The following SLC8A1 variants were observed in gnomAD, a reference collection of about 807,000 sequenced individuals.
SLC8A1 encodes the protein solute carrier family 8 member A1.
A neutral mutation model predicts 68.3 loss-of-function variants in SLC8A1; 18 were observed. The ratio of observed to expected loss-of-function variants is 0.26; its 90% CI spans 0.18 to 0.39. The LOEUF (loss-of-function observed/expected upper bound fraction) is 0.39. Among genes scored for constraint, SLC8A1 ranks in the 10% least tolerant of loss-of-function variants. SLC8A1 has a pLI of 1.00. For synonymous variants in SLC8A1, 475 were observed against 415.5 expected (o/e 1.14, Z -1.74); for missense variants, 985 against 1,156.7 (o/e 0.85, Z 2.15).
intron 2 of SLC8A1, among the ~76,000 whole-genome samples, chr2:40,404,058 G>A (rs555530066): frequency 6.6e-6 from 1 of 152,214 alleles, no homozygotes; most frequent in South Asian, 2.1e-4. Context: ...GCAAATCCAT[G>A]AATTTCAGCA....
chr2:40,234,390 G>T (rs1024982540), intron 2 of SLC8A1, among the ~76,000 whole-genome samples: 25 of 151,878 alleles, frequency 1.6e-4, no homozygotes, highest in Admixed American at 6.6e-5. Flanking sequence ...TCATGATTTG[G>T]CTCTCTGTTT....
At chr2:40,332,437 G>T (rs1412523558) in intron 2 of SLC8A1, among the ~76,000 whole-genome samples, 6 of 141,842 alleles carry the variant, frequency 4.2e-5, no homozygotes, top group African/African-American at 1.5e-4. Flanking sequence ...GAGGACGGGG[G>T]CGGGGGGCGG....
chr2:40,367,856 C>A (rs1460582524), intron 2 of SLC8A1, among the ~76,000 whole-genome samples: 1 of 152,056 alleles, frequency 6.6e-6, no homozygotes, highest in Admixed American at 6.6e-5. Context: ...AGACTGAAGA[C>A]AACACAACCC....
At chr2:40,417,870 TACACACACAC>T (rs70957174) in intron 2 of SLC8A1, among the ~76,000 whole-genome samples, 21 of 147,162 alleles carry the variant, frequency 1.4e-4, no homozygotes, top group African/African-American at 4.6e-4. Context: ...CTTGGATGGA[TACACACACAC>T]ACACACACAC....
intron 2 of SLC8A1, among the ~76,000 whole-genome samples, chr2:40,349,429 A>C (rs996732521): frequency 4.6e-5 from 7 of 152,230 alleles, no homozygotes; most frequent in African/African-American, 1.7e-4. Context: ...GTTAAAGGGA[A>C]GCAGAATAAA....
At chr2:40,228,143 G>A (rs1166718189) in intron 2 of SLC8A1, among the ~76,000 whole-genome samples, 1 of 152,132 alleles carries the variant, frequency 6.6e-6, no homozygotes, top group Non-Finnish European at 1.5e-5. Flanking sequence ...CCTGTTCACT[G>A]CTATGGAATA....
chr2:40,450,513 G>T (rs1302276577), intron 1 of SLC8A1, among the ~76,000 whole-genome samples: 1 of 152,134 alleles, frequency 6.6e-6, no homozygotes, highest in East Asian at 1.9e-4. Flanking sequence ...AGATACTCCA[G>T]CAATGCCTTT....
intron 6 of SLC8A1, among the ~76,000 whole-genome samples, chr2:40,148,849 A>G (rs2042926407): frequency 6.6e-6 from 1 of 152,252 alleles, no homozygotes; most frequent in South Asian, 2.1e-4. Flanking sequence ...CAGATGGAGC[A>G]TCTCCTTCCC....
At chr2:40,107,771 T>C (rs1203326609) in exon 8 of SLC8A1, 3 of 152,172 alleles carry the variant, frequency 2.0e-5, no homozygotes, top group African/African-American at 7.2e-5. Context: ...TACTTTTACA[T>C]GTGTGTCTCT....
At chr2:40,198,743 C>T (rs114261119) in intron 2 of SLC8A1, among the ~76,000 whole-genome samples, 2 of 151,658 alleles carry the variant, frequency 1.3e-5, no homozygotes, top group South Asian at 4.1e-4. Flanking sequence ...GGGTAGGTTC[C>T]CTCTTTAAGG....
intron 2 of SLC8A1, among the ~76,000 whole-genome samples, chr2:40,425,876 G>A (rs111344957): frequency 3.0e-4 from 46 of 152,040 alleles, no homozygotes; most frequent in Non-Finnish European, 4.7e-4. Context: ...CCATTACTGG[G>A]TATATACCCA....
At chr2:40,509,868 T>G (rs1706606202) in intron 1 of SLC8A1, among the ~76,000 whole-genome samples, 1 of 151,994 alleles carries the variant, frequency 6.6e-6, no homozygotes, top group Middle Eastern at 3.2e-3. Context: ...TGGAGTGCAG[T>G]GGCATGATCT....
chr2:40,328,483 T>C (rs1346148664), intron 2 of SLC8A1, among the ~76,000 whole-genome samples: 1 of 151,824 alleles, frequency 6.6e-6, no homozygotes, highest in Non-Finnish European at 1.5e-5. Flanking sequence ...TCTTTATATA[T>C]TTCTGTAGGT....
At chr2:40,139,890 A>G (rs1350767050) in intron 6 of SLC8A1, among the ~76,000 whole-genome samples, 2 of 152,170 alleles carry the variant, frequency 1.3e-5, no homozygotes, top group Admixed American at 1.3e-4. Flanking sequence ...TCATTGGTCA[A>G]TGGCAAAAAC....
At chr2:40,390,015 T>C (rs1445556491) in intron 2 of SLC8A1, among the ~76,000 whole-genome samples, 1 of 151,924 alleles carries the variant, frequency 6.6e-6, no homozygotes, top group Non-Finnish European at 1.5e-5. Flanking sequence ...TCATTGAAAG[T>C]TCCTCAATCT....
intron 2 of SLC8A1, among the ~76,000 whole-genome samples, chr2:40,210,272 T>G (rs1042914511): frequency 6.6e-6 from 1 of 152,176 alleles, no homozygotes; most frequent in Non-Finnish European, 1.5e-5. Context: ...GAGCTGCAGA[T>G]GAGTGCCTGA....
At chr2:40,158,516 A>C (rs2148435865) in intron 6 of SLC8A1, among the ~76,000 whole-genome samples, 1 of 152,316 alleles carries the variant, frequency 6.6e-6, no homozygotes, top group East Asian at 1.9e-4. Flanking sequence ...ATTGTATGAC[A>C]AGAAGACTTG....
At chr2:40,376,423 T>C (rs930151531) in intron 2 of SLC8A1, among the ~76,000 whole-genome samples, 2 of 152,092 alleles carry the variant, frequency 1.3e-5, no homozygotes, top group African/African-American at 4.8e-5. Context: ...TCAGACTAAA[T>C]TCTGCTGAAC....
At chr2:40,492,124 T>C (rs1705354727) in intron 1 of SLC8A1, among the ~76,000 whole-genome samples, 1 of 152,026 alleles carries the variant, frequency 6.6e-6, no homozygotes, top group Non-Finnish European at 1.5e-5. Context: ...CAAAACAGCA[T>C]GGTACTGGTA....
Sources: gnomAD v4.1 joint callset for allele counts (sites outside exome capture counted in the v4.1 genomes callset) on GRCh38, gnomAD v4.1.1 for gene constraint, MANE v1.5 for transcripts, NCBI Gene and HGNC (gene_info 2026-07-23, HGNC 2026-07-21) for gene names.